The following CLCN3 variants were observed in gnomAD, a reference collection of about 807,000 sequenced individuals.
CLCN3 encodes the protein H(+)/Cl(-) exchange transporter 3.
A neutral mutation model predicts 83.4 loss-of-function variants in CLCN3; 16 were observed. The ratio of observed to expected loss-of-function variants is 0.19; its 90% CI spans 0.13 to 0.29. The LOEUF is 0.29. Among genes scored for constraint, CLCN3 ranks in the 10% least tolerant of loss-of-function variants. The probability of loss-of-function intolerance (pLI) is 1.00; values close to 1 mark genes in which losing one functional copy is unlikely to be tolerated. For synonymous variants in CLCN3, 322 were observed against 346.2 expected (o/e 0.93, Z 0.78); for missense variants, 544 against 1,006.0 (o/e 0.54, Z 6.21).
intron 2 of CLCN3, among the ~76,000 whole-genome samples, chr4:169,659,840 C>G (rs370319953): frequency 1.3e-5 from 2 of 152,002 alleles, no homozygotes; most frequent in African/African-American, 2.4e-5. Context: ...TACATTCTCT[C>G]GTAAAACCAC....
chr4:169,680,523 G>T (rs752175659), intron 3 of CLCN3: 7 of 216,836 alleles, frequency 3.2e-5, no homozygotes, highest in Non-Finnish European at 6.3e-5. Context: ...AGATATGGAG[G>T]TCAGCATGAT....
chr4:169,627,275 T>C (rs1394676426), intron 1 of CLCN3, among the ~76,000 whole-genome samples: 1 of 152,234 alleles, frequency 6.6e-6, no homozygotes, highest in East Asian at 1.9e-4. Flanking sequence ...TTTTTGTGTG[T>C]GTGCCTGTAT....
intron 2 of CLCN3, among the ~76,000 whole-genome samples, chr4:169,655,906 G>A (rs1239013878): frequency 2.0e-5 from 3 of 152,090 alleles, no homozygotes; most frequent in Admixed American, 6.5e-5. Flanking sequence ...AACTTCTTAT[G>A]TTTATGAGGT....
intron 1 of CLCN3, among the ~76,000 whole-genome samples, chr4:169,631,523 C>T (rs1773370654): frequency 6.6e-6 from 1 of 152,054 alleles, no homozygotes; most frequent in Admixed American, 6.5e-5. Context: ...CTCCTGACCT[C>T]GTGATCCGCC....
intron 12 of CLCN3, among the ~76,000 whole-genome samples, chr4:169,714,309 A>C (rs748969155): frequency 6.6e-6 from 1 of 151,828 alleles, no homozygotes; most frequent in Non-Finnish European, 1.5e-5. Context: ...AACATGTTGT[A>C]GAAAACACAT....
At chr4:169,690,306 C>T (rs1273386361) in intron 5 of CLCN3, among the ~76,000 whole-genome samples, 2 of 151,618 alleles carry the variant, frequency 1.3e-5, no homozygotes, top group East Asian at 1.9e-4. Context: ...CCACCATGCC[C>T]AGCTAATTTT....
At chr4:169,621,367 A>G (rs188759073) in intron 1 of CLCN3, among the ~76,000 whole-genome samples, 2 of 152,332 alleles carry the variant, frequency 1.3e-5, no homozygotes, top group African/African-American at 4.8e-5. Context: ...AATTTTCCCC[A>G]ATTTAAAAAT....
chr4:169,651,291 G>T (rs961266616), intron 2 of CLCN3, among the ~76,000 whole-genome samples: 4 of 152,104 alleles, frequency 2.6e-5, no homozygotes, highest in African/African-American at 9.7e-5. Context: ...TGTGCATGTA[G>T]AATATTACCT....
At chr4:169,650,666 T>C (rs1442331197) in intron 2 of CLCN3, among the ~76,000 whole-genome samples, 1 of 152,224 alleles carries the variant, frequency 6.6e-6, no homozygotes, top group Non-Finnish European at 1.5e-5. Context: ...TTTTAAATGC[T>C]CTACTCTGAA....
chr4:169,675,831 T>A (rs962127281), intron 2 of CLCN3, among the ~76,000 whole-genome samples: 4 of 152,206 alleles, frequency 2.6e-5, no homozygotes, highest in Admixed American at 6.5e-5. Context: ...TAAAGTTAGC[T>A]GTCCAGGACT....
At chr4:169,640,072 TC>T (rs1385493460) in intron 2 of CLCN3, among the ~76,000 whole-genome samples, 21 of 152,194 alleles carry the variant, frequency 1.4e-4, no homozygotes, top group African/African-American at 4.6e-4. Context: ...CATATAGAGA[TC>T]TTAACAAATA....
At chr4:169,660,282 G>A in intron 2 of CLCN3, 2 of 1,307,074 alleles carry the variant, frequency 1.5e-6, no homozygotes, top group Non-Finnish European at 1.9e-6. Flanking sequence ...CTTGCTTGCT[G>A]CAGCAGGGAT....
At chr4:169,674,167 TA>T (rs1402251859) in intron 2 of CLCN3, among the ~76,000 whole-genome samples, 1 of 152,228 alleles carries the variant, frequency 6.6e-6, no homozygotes, top group Non-Finnish European at 1.5e-5. Flanking sequence ...CCTGTTGTTT[TA>T]ATCTAGAACC....
At chr4:169,687,991 A>G (rs1238539263) in intron 4 of CLCN3, among the ~76,000 whole-genome samples, 1 of 152,218 alleles carries the variant, frequency 6.6e-6, no homozygotes. Flanking sequence ...CTCAGTTTCT[A>G]TATCTGTAAA....
intron 2 of CLCN3, among the ~76,000 whole-genome samples, chr4:169,666,431 G>A (rs115242402): frequency 1.4e-3 from 215 of 152,294 alleles, no homozygotes; most frequent in African/African-American, 4.9e-3. Context: ...CATTACTATC[G>A]TAAACTTCTG....
chr4:169,705,567 T>C (rs768557503), intron 10 of CLCN3, among the ~76,000 whole-genome samples: 49 of 152,222 alleles, frequency 3.2e-4, no homozygotes, highest in Non-Finnish European at 1.5e-4. Context: ...AAAACTGTTA[T>C]AATAGTGCCT....
intron 1 of CLCN3, among the ~76,000 whole-genome samples, chr4:169,625,890 A>G (rs758648032): frequency 5.9e-5 from 9 of 152,192 alleles, no homozygotes; most frequent in Non-Finnish European, 1.2e-4. Context: ...CTGTGACCAG[A>G]TGCTTGGGGG....
At position 169,707,070 on chromosome 4, in the gene CLCN3, C is replaced by T; in HGVS notation, c.1953C>T (p.Thr651=). Residue 651 remains threonine (T), a synonymous_variant, in exon 11 of 13, where the codon ACC becomes ACT. Coordinates refer to ENST00000513761, the MANE Select transcript of CLCN3 (RefSeq NM_001829.4). ...ATGCAAAAGAAGAATTCACTCATAC[C>T]ACCCTGGCTGCTGACGTTATGAGAC... ...FLDAKEEFTH[T]TLAADVMRPR... 2 of 1,614,076 alleles carry T rather than the reference C, an allele frequency of 1.2e-6. No homozygotes were observed. The highest frequency in any genetic ancestry group is 1.3e-5 in the African/African-American group (1 of 75,026).
At position 169,720,059 on chromosome 4, in the gene CLCN3, T is replaced by G. The variant is rs1733575450; in HGVS notation, c.*62T>G. On this transcript the variant is annotated 3_prime_UTR_variant, in exon 13 of 13. Transcript: ENST00000513761. ...AAGTTTATTTGTTGAATAGCACAAC[T>G]CTTTAACCTGAGGGAGTCATCTACT... is the stretch of plus-strand genomic sequence containing the variant. 1 of 1,596,596 alleles carries G rather than the reference T, an allele frequency of 6.3e-7. No homozygotes were observed. The highest frequency in any genetic ancestry group is 2.2e-5 in the East Asian group (1 of 44,454).
Sources: allele counts gnomAD v4.1 joint callset (sites outside exome capture counted in the v4.1 genomes callset), GRCh38; gene constraint gnomAD v4.1.1; transcripts MANE v1.5; gene names NCBI Gene and HGNC (gene_info 2026-07-23, HGNC 2026-07-21).